The following SEMA5A variants were observed in gnomAD, a reference collection of about 807,000 sequenced individuals.
SEMA5A encodes the protein semaphorin 5A, also known as semaphorin-5A.
Under a neutral mutation model 135.5 loss-of-function variants are expected in SEMA5A, and 55 were observed. That is an observed-to-expected ratio of 0.41 (90% CI 0.33 to 0.51). The LOEUF is 0.51. Ranked by LOEUF, SEMA5A falls within the 20% of genes least tolerant of loss-of-function variation. SEMA5A has a pLI of 0.37. For synonymous variants in SEMA5A, 580 were observed against 546.5 expected (o/e 1.06, Z -0.85); for missense variants, 1,290 against 1,419.9 (o/e 0.91, Z 1.47).
chr5:9,410,039 T>G (rs1431396565), intron 2 of SEMA5A, among the ~76,000 whole-genome samples: 1 of 152,216 alleles, frequency 6.6e-6, no homozygotes, highest in Non-Finnish European at 1.5e-5. Flanking sequence ...AAAAATCTCT[T>G]TTAGCTTCTG....
chr5:9,044,576 T>C lies in SEMA5A; in HGVS notation c.2902A>G (p.Met968Val), dbSNP rs749193305. 2 of 1,613,808 alleles carry C rather than the reference T, an allele frequency of 1.2e-6. No homozygotes were observed. Among genetic ancestry groups the C allele is most frequent in the South Asian group, 2.2e-5 (2 of 91,058 alleles). ...AGCCCCACGGCGATCATGTGGAACA[T>C]GTTGAACTCTAGGGAGACATGAGCA... ...VEEKRCGEFN[M>V]FHMIAVGLSS... Residue 968 changes from methionine (M) to valine (V), a missense_variant, in exon 22 of 23, where the codon ATG (methionine) becomes GTG (valine). Met to Val is a conservative substitution (Grantham distance 21). Coordinates refer to ENST00000382496, the MANE Select transcript of SEMA5A (RefSeq NM_003966.3).
intron 19 of SEMA5A, among the ~76,000 whole-genome samples, chr5:9,052,363 C>T (rs868469042): frequency 1.3e-5 from 2 of 152,122 alleles, no homozygotes; most frequent in South Asian, 2.1e-4. Context: ...TCAGCAGCAG[C>T]GGTACATAAG....
At position 9,387,603 on chromosome 5, in the gene SEMA5A, C is replaced by T. The variant is rs76690507; in HGVS notation, c.-77-7580G>A. ...AACAATCCAGGAGAATCAAAGCCCA[C>T]GGTGTGTTCAGGCCTAGAAGGAATG... On this transcript the variant is annotated intron_variant, in intron 2 of 22. Coordinates refer to ENST00000382496, the MANE Select transcript of SEMA5A (RefSeq NM_003966.3). Among the ~76,000 whole-genome samples the T allele has an allele frequency of 3.9e-3, 593 of 152,218 alleles. 3 individuals are homozygous for T. Among genetic ancestry groups the T allele is most frequent in the African/African-American group, 0.013 (532 of 41,528 alleles).
chr5:9,453,779 C>T (rs1048854502), intron 1 of SEMA5A, among the ~76,000 whole-genome samples: 1 of 152,182 alleles, frequency 6.6e-6, no homozygotes, highest in Non-Finnish European at 1.5e-5. Context: ...ATAATTACCA[C>T]ATGCTCTCAA....
chr5:9,434,643 T>C (rs534855317), intron 2 of SEMA5A, among the ~76,000 whole-genome samples: 9 of 152,174 alleles, frequency 5.9e-5, no homozygotes, highest in Non-Finnish European at 1.2e-4. Flanking sequence ...TGGGATTATA[T>C]TAAATATATT....
chr5:9,047,398 A>G (rs1736325385), intron 21 of SEMA5A, among the ~76,000 whole-genome samples: 2 of 152,220 alleles, frequency 1.3e-5, no homozygotes, highest in Non-Finnish European at 2.9e-5. Context: ...TAGCTCTCTA[A>G]GACAAAAAAT....
At chr5:9,380,095 T>C in intron 2 of SEMA5A, 72 bp from the exon 3 acceptor site, 4 of 972,466 alleles carry the variant, frequency 4.1e-6, no homozygotes, top group Non-Finnish European at 6.0e-6. Flanking sequence ...CTGGTAAAAC[T>C]TCCTCACTAA....
intron 1 of SEMA5A, among the ~76,000 whole-genome samples, chr5:9,450,558 G>A (rs1016795828): frequency 2.0e-5 from 3 of 152,018 alleles, no homozygotes; most frequent in Non-Finnish European, 4.4e-5. Context: ...TGACCTGAAA[G>A]CATCTCCCTT....
intron 1 of SEMA5A, among the ~76,000 whole-genome samples, chr5:9,441,250 G>A (rs538739104): frequency 2.0e-5 from 3 of 152,202 alleles, no homozygotes; most frequent in Non-Finnish European, 2.9e-5. Context: ...TTACTTATGG[G>A]CAGAAGAGTC....
chr5:9,389,023 G>A (rs1405767043), intron 2 of SEMA5A, among the ~76,000 whole-genome samples: 5 of 152,170 alleles, frequency 3.3e-5, no homozygotes, highest in African/African-American at 9.7e-5. Context: ...AAGAAAAGAC[G>A]ATACCCTTCT....
intron 13 of SEMA5A, among the ~76,000 whole-genome samples, chr5:9,128,817 C>T (rs1470046753): frequency 6.6e-6 from 1 of 152,156 alleles, no homozygotes; most frequent in Non-Finnish European, 1.5e-5. Flanking sequence ...TTCTCCACAT[C>T]GGCACTATTG....
chr5:9,495,897 C>T (rs1735277317), intron 1 of SEMA5A, among the ~76,000 whole-genome samples: 1 of 152,138 alleles, frequency 6.6e-6, no homozygotes, highest in Middle Eastern at 3.2e-3. Flanking sequence ...CGACTGAATA[C>T]TCATTGGTTT....
rs532453960 is a variant in SEMA5A at position 9,334,480 on chromosome 5, G to A, written c.224+3233C>T. Among the ~76,000 whole-genome samples the A allele has an allele frequency of 4.6e-5, 7 of 152,280 alleles. No homozygotes were observed. The South Asian group carries it at 1.0e-3, about 23-fold the overall frequency. ...GTCTGCCTGAAAGGCATATGCACAC[G>A]TATGCGAAACCCATGAAGACCCTCA... On this transcript the variant is annotated intron_variant, in intron 4 of 22. Coordinates refer to ENST00000382496, the MANE Select transcript of SEMA5A (RefSeq NM_003966.3).
intron 3 of SEMA5A, among the ~76,000 whole-genome samples, chr5:9,345,365 G>T (rs2150737245): frequency 6.6e-6 from 1 of 152,226 alleles, no homozygotes; most frequent in African/African-American, 2.4e-5. Flanking sequence ...TCCACCACCT[G>T]CCCTGGCAGC....
At chr5:9,145,175 C>A (rs1474346485) in intron 12 of SEMA5A, among the ~76,000 whole-genome samples, 8 of 152,116 alleles carry the variant, frequency 5.3e-5, no homozygotes, top group Non-Finnish European at 1.2e-4. Context: ...CTCAGAAGGA[C>A]CTGCATGAAC....
At chr5:9,125,363 T>C (rs1741050634) in intron 13 of SEMA5A, among the ~76,000 whole-genome samples, 1 of 152,212 alleles carries the variant, frequency 6.6e-6, no homozygotes, top group African/African-American at 2.4e-5. Flanking sequence ...TTCTGGGACA[T>C]ATGTGCAAAA....
intron 5 of SEMA5A, among the ~76,000 whole-genome samples, chr5:9,293,425 T>C (rs1751184635): frequency 6.6e-6 from 1 of 152,206 alleles, no homozygotes; most frequent in South Asian, 2.1e-4. Context: ...CTTCCCTTTG[T>C]TTTAATTTCC....
intron 5 of SEMA5A, among the ~76,000 whole-genome samples, chr5:9,311,342 TCCC>T (rs2150645511): frequency 6.6e-6 from 1 of 151,612 alleles, no homozygotes; most frequent in African/African-American, 2.4e-5. Context: ...TGAAACTCAA[TCCC>T]CCCAACCCAG....
chr5:9,277,546 C>G (rs577101169), intron 5 of SEMA5A, among the ~76,000 whole-genome samples: 15 of 152,188 alleles, frequency 9.9e-5, no homozygotes, highest in African/African-American at 3.6e-4. Context: ...TTCACAATAG[C>G]AAAGACTTGG....
Sources: allele counts gnomAD v4.1 joint callset (sites outside exome capture counted in the v4.1 genomes callset), GRCh38; gene constraint gnomAD v4.1.1; transcripts MANE v1.5; gene names NCBI Gene and HGNC (gene_info 2026-07-23, HGNC 2026-07-21).